SCLT1: variants seen among roughly 807,000 people sequenced by gnomAD.
SCLT1 encodes the protein sodium channel-associated protein 1.
Under a neutral mutation model 112.8 loss-of-function variants are expected in SCLT1, and 78 were observed. That is an observed-to-expected ratio of 0.69 (90% CI 0.58 to 0.83). The LOEUF is 0.83. Ranked by LOEUF, SCLT1 falls within the 40% of genes least tolerant of loss-of-function variation. The pLI, the probability that SCLT1 is intolerant of heterozygous loss-of-function variation, is 0.00. For missense variants in SCLT1, 747 were observed against 770.4 expected (o/e 0.97, Z 0.36); for synonymous variants, 257 against 254.7 (o/e 1.01, Z -0.09).
At chr4:129,051,090 G>A (rs1225694783) in intron 2 of SCLT1, among the ~76,000 whole-genome samples, 1 of 152,140 alleles carries the variant, frequency 6.6e-6, no homozygotes, top group Non-Finnish European at 1.5e-5. Context: ...CTATACATCT[G>A]TTTTGGTACC....
At chr4:129,088,666 G>A (rs1218594864) in intron 1 of SCLT1, among the ~76,000 whole-genome samples, 1 of 152,204 alleles carries the variant, frequency 6.6e-6, no homozygotes, top group Non-Finnish European at 1.5e-5. Context: ...CAAGGCTGCA[G>A]AGCAGAATAT....
chr4:129,034,408 ATATT>A (rs1419502383), intron 5 of SCLT1, among the ~76,000 whole-genome samples: 1 of 151,794 alleles, frequency 6.6e-6, no homozygotes, highest in African/African-American at 2.4e-5. Flanking sequence ...AATCTGTAAC[ATATT>A]TAGTTGTAAT....
rs116503047 is a variant in SCLT1 at position 128,996,986 on chromosome 4, T to C, written c.615+888A>G. Among the ~76,000 whole-genome samples the C allele has an allele frequency of 6.1e-3, 924 of 152,124 alleles. 2 individuals carry two copies. The highest frequency in any genetic ancestry group is 0.01 in the Middle Eastern group (3 of 294). ...AAAGTACTAATTCCATATAGAAATA[T>C]ATTAAATTAAAAAATGCCTTTCTTA... On this transcript the variant is annotated intron_variant, in intron 8 of 20. Coordinates refer to ENST00000281142, the MANE Select transcript of SCLT1 (RefSeq NM_144643.4).
chr4:128,893,626 T>G (rs1481205082), intron 18 of SCLT1, among the ~76,000 whole-genome samples: 1 of 152,158 alleles, frequency 6.6e-6, no homozygotes, highest in Non-Finnish European at 1.5e-5. Flanking sequence ...CACTGCAAGC[T>G]CTGCCTCCCA....
rs558411448 is a variant in SCLT1, at chr4:129,023,854, C to T, written c.290+15187G>A. Among the ~76,000 whole-genome samples the T allele has an allele frequency of 1.2e-4, 18 of 152,284 alleles. 1 individual carries two copies. In the South Asian group the frequency reaches 2.5e-3, roughly 21 times the overall value. On this transcript the variant is annotated intron_variant, in intron 5 of 20. Coordinates refer to ENST00000281142, the MANE Select transcript of SCLT1 (RefSeq NM_144643.4). ...CCACCCTAATACTGCGCTTTTCCGA[C>T]GGGCTTAGAAAATGGCACACCAGGA...
chr4:128,908,658 C>T (rs1485601881), intron 18 of SCLT1, among the ~76,000 whole-genome samples: 2 of 152,106 alleles, frequency 1.3e-5, no homozygotes, highest in South Asian at 2.1e-4. Flanking sequence ...TATTTAGATC[C>T]CTGTCTGCAG....
At chr4:128,883,571 AG>A (rs1163226178), downstream of SCLT1, among the ~76,000 whole-genome samples, 3 of 152,142 alleles carry the variant, frequency 2.0e-5, no homozygotes, top group Admixed American at 6.5e-5. Flanking sequence ...TAATAAAAAA[AG>A]ATTCCTATGA....
chr4:128,997,802 AT>A, intron 8 of SCLT1, 71 bp downstream of exon 8: 1 of 729,786 alleles, frequency 1.4e-6, no homozygotes, highest in Non-Finnish European at 2.1e-6. Context: ...CTTATTGTTG[AT>A]TTATATTAAC....
In SCLT1 at chr4:129,006,962, T is replaced by G. The variant is rs72685307; in HGVS notation, c.291-3086A>C. 5.9e-3 allele frequency among the ~76,000 whole-genome samples: 906 copies of G among 152,336 alleles called. 7 individuals are homozygous for G. Among genetic ancestry groups the G allele is most frequent in the East Asian group, 0.012 (64 of 5,182 alleles). ...TTATGTTATTTTCTTTATTAATCAG[T>G]TGAAAATATTTTCTAACTTCCATTG... is the stretch of plus-strand genomic sequence containing the variant. On this transcript the variant is annotated intron_variant, in intron 5 of 20. Coordinates refer to ENST00000281142, the MANE Select transcript of SCLT1 (RefSeq NM_144643.4).
At chr4:129,045,009 A>C (rs1010815529) in intron 2 of SCLT1, among the ~76,000 whole-genome samples, 3 of 152,024 alleles carry the variant, frequency 2.0e-5, no homozygotes, top group African/African-American at 7.2e-5. Flanking sequence ...TAAAAGAAGA[A>C]GAATTATAAT....
chr4:129,023,916 C>A (rs990008582), intron 5 of SCLT1, among the ~76,000 whole-genome samples: 3 of 152,228 alleles, frequency 2.0e-5, no homozygotes, highest in African/African-American at 7.2e-5. Context: ...GGTCCTACGC[C>A]CACGGAGTCT....
intron 9 of SCLT1, among the ~76,000 whole-genome samples, chr4:128,974,483 T>C (rs1017495075): frequency 1.3e-5 from 2 of 151,934 alleles, no homozygotes; most frequent in Non-Finnish European, 1.5e-5. Flanking sequence ...GCACAGATCT[T>C]GGTGGCTCAA....
chr4:129,054,095 C>G (rs1196969615), intron 2 of SCLT1, among the ~76,000 whole-genome samples: 1 of 152,174 alleles, frequency 6.6e-6, no homozygotes, highest in Non-Finnish European at 1.5e-5. Flanking sequence ...CTTCTGGCTT[C>G]TAGCGTTTCT....
At chr4:129,082,082 T>G (rs1699388) in intron 2 of SCLT1, among the ~76,000 whole-genome samples, 2 of 152,022 alleles carry the variant, frequency 1.3e-5, no homozygotes, top group Non-Finnish European at 1.5e-5. Context: ...AGAACTCGAA[T>G]GAATTCCCAT....
chr4:129,082,137 C>T (rs1751994626), intron 2 of SCLT1, among the ~76,000 whole-genome samples, 169 bp downstream of exon 2: 1 of 152,040 alleles, frequency 6.6e-6, no homozygotes, highest in African/African-American at 2.4e-5. Context: ...TATATAAGCT[C>T]CAACTCTGGT....
intron 5 of SCLT1, among the ~76,000 whole-genome samples, chr4:129,028,678 G>A (rs1019462130): frequency 2.0e-4 from 30 of 152,056 alleles, no homozygotes; most frequent in South Asian, 4.2e-4. Context: ...TTGACAAATG[G>A]CATCTAATTA....
chr4:128,913,016 A>T (rs999035206), intron 18 of SCLT1, among the ~76,000 whole-genome samples: 2 of 152,230 alleles, frequency 1.3e-5, no homozygotes, highest in Admixed American at 1.3e-4. Context: ...AAGTTCAAAT[A>T]AATTTAAAAG....
intron 6 of SCLT1, among the ~76,000 whole-genome samples, chr4:129,003,232 A>G (rs948824752): frequency 2.6e-5 from 4 of 152,072 alleles, no homozygotes; most frequent in African/African-American, 9.7e-5. Flanking sequence ...GGAGTTAAAC[A>G]ATGAGAACAC....
At position 128,888,212 on chromosome 4, in the gene SCLT1, T is replaced by G. The variant is rs1056423481; in HGVS notation, c.2004+467A>C. ...TGTTAGACAGTATATGTCTTTTCTG[T>G]TTTTTTTTTTTTTGTTGATACAGAG... On this transcript the variant is annotated intron_variant, in intron 20 of 20. Coordinates refer to ENST00000281142, the MANE Select transcript of SCLT1 (RefSeq NM_144643.4). Among the ~76,000 whole-genome samples, 6 of 145,484 alleles carry G rather than the reference T, an allele frequency of 4.1e-5. No individual in the cohort carries two copies. In the South Asian group the frequency reaches 1.1e-3, roughly 26 times the overall value.
Sources: allele counts gnomAD v4.1 joint callset (sites outside exome capture counted in the v4.1 genomes callset), GRCh38; gene constraint gnomAD v4.1.1; transcripts MANE v1.5; gene names NCBI Gene and HGNC (gene_info 2026-07-23, HGNC 2026-07-21).